WDR91: variants seen among roughly 807,000 people sequenced by gnomAD.
WDR91 encodes WD repeat-containing protein 91.
Under a neutral mutation model 88.4 loss-of-function variants are expected in WDR91, and 52 were observed. The observed-to-expected ratio is 0.59, with a 90% confidence interval of 0.47 to 0.74. The LOEUF is 0.74. Ranked by LOEUF, WDR91 falls within the 30% of genes least tolerant of loss-of-function variation. The probability of loss-of-function intolerance (pLI) is 0.00; values close to 1 mark genes in which losing one functional copy is unlikely to be tolerated. For synonymous variants in WDR91, 362 were observed against 389.5 expected, an observed-to-expected ratio of 0.93 and a Z score of 0.83; for missense variants, 824 against 954.5, an observed-to-expected ratio of 0.86 and a Z score of 1.80.
chr7:135,184,256 C>G lies in WDR91; in HGVS notation c.*1895G>C, dbSNP rs2094527346. On this transcript the variant is annotated 3_prime_UTR_variant, in exon 15 of 15. Transcript: ENST00000354475. ...ATAATCAAGCCACTTAAATACCTCC[C>G]TACTTTTCCCTCAACTCCCAGAACA... 6.6e-6 allele frequency: 1 copy of G among 152,172 alleles called. No homozygotes were observed. Among genetic ancestry groups the G allele is most frequent in the South Asian group, 2.1e-4 (1 of 4,834 alleles). The allele number at this position is 152,172 out of a possible 1,614,324, so 9.4% of individuals were successfully genotyped here.
At chr7:135,197,845 T>C in intron 7 of WDR91, 148 bp downstream of exon 7, 1 of 1,003,580 alleles carries the variant, frequency 1.0e-6, no homozygotes, top group Non-Finnish European at 1.4e-6. Context: ...TGAACCCAAA[T>C]AACCAAAATA....
In WDR91 at chr7:135,196,093, G is replaced by C; in HGVS notation, c.1244+51C>G. ...TGCTGGCCACACCTCCACGTGTACT[G>C]CCTGAAAATCTGAGCTTCCCAGGGT... is the stretch of plus-strand genomic sequence containing the variant. On this transcript the variant is annotated intron_variant, in intron 8 of 14. Transcript: ENST00000354475. This position sits in a 1 kb window ranked among gnomAD's most constrained non-coding sequence, Gnocchi z 4.2. 6.9e-7 allele frequency: 1 copy of C among 1,455,470 alleles called. No homozygotes were observed. The allele number at this position is 1,455,470 out of a possible 1,614,324, so 90.2% of individuals were successfully genotyped here. A position where few individuals can be genotyped will look rare whatever the true frequency, so the allele number is the denominator to read the frequency against.
At position 135,204,371 on chromosome 7, in the gene WDR91, G is replaced by C. The variant is rs1383609695; in HGVS notation, c.788C>G (p.Ser263Cys). 6.2e-7 allele frequency: 1 copy of C among 1,614,234 alleles called. No homozygotes were observed. Among genetic ancestry groups the C allele is most frequent in the Non-Finnish European group, 8.5e-7 (1 of 1,180,030 alleles). Residue 263 changes from serine to cysteine, a missense_variant, in exon 6 of 15, where the codon TCC (serine) becomes TGC (cysteine). Physicochemically the swap from Ser to Cys is moderately radical, Grantham distance 112. Coordinates refer to ENST00000354475, the MANE Select transcript of WDR91 (RefSeq NM_014149.4). ...LSQSPRVGFL[S>C]SLLPQSKKSP... ...CTTCTTACTCTGAGGCAGCAGCGAG[G>C]ACAGGAAGCCCACACGAGGTGACTG...
chr7:135,198,356 A>G, intron 6 of WDR91: 1 of 551,914 alleles, frequency 1.8e-6, no homozygotes, highest in Non-Finnish European at 3.2e-6. Flanking sequence ...TTAAGAGGAC[A>G]GGTCACCTGC....
Position 135,186,233 on chromosome 7 carries a change from G to A in WDR91, c.2162C>T (p.Thr721Ile). The change falls in exon 15 of 15, where the codon ACT (threonine) becomes ATT (isoleucine). Residue 721 changes from threonine (T) to isoleucine (I), a missense_variant. Physicochemically the swap from Thr to Ile is moderately conservative, Grantham distance 89. Transcript: ENST00000354475. Reference sequence around the variant, plus strand: ...GAGGCAGGTCCCACAGTCCATGGCAGTGCTCCAGTCCACGGTGACCACAGG... The same window carrying A: ...GAGGCAGGTCCCACAGTCCATGGCAATGCTCCAGTCCACGGTGACCACAGG... ...RAPVVTVDWS[T>I]AMDCGTCLTA... is the part of the protein sequence containing the mutation. 6.2e-7 allele frequency: 1 copy of A among 1,611,576 alleles called. No individual in the cohort carries two copies. The highest frequency in any genetic ancestry group is 8.5e-7 in the Non-Finnish European group (1 of 1,179,002).
chr7:135,195,806 G>T (rs1831341661), intron 8 of WDR91, among the ~76,000 whole-genome samples: 1 of 152,172 alleles, frequency 6.6e-6, no homozygotes, highest in African/African-American at 2.4e-5. Flanking sequence ...AATCAGATGG[G>T]TGTGGTGGCA....
chr7:135,186,814 C>T (rs1362714606), intron 14 of WDR91, among the ~76,000 whole-genome samples, 158 bp downstream of exon 14: 1 of 152,236 alleles, frequency 6.6e-6, no homozygotes, highest in African/African-American at 2.4e-5. Flanking sequence ...CTCCTCTGAA[C>T]CCCAGCACTA....
At chr7:135,201,794 G>GCAGTA (rs1831579890) in intron 6 of WDR91, among the ~76,000 whole-genome samples, 1 of 152,214 alleles carries the variant, frequency 6.6e-6, no homozygotes, top group Non-Finnish European at 1.5e-5. Flanking sequence ...TGAGTTTAAA[G>GCAGTA]CAGTACATTA....
chr7:135,205,048 G>T (rs1831712129), intron 5 of WDR91, among the ~76,000 whole-genome samples: 1 of 152,140 alleles, frequency 6.6e-6, no homozygotes, highest in South Asian at 2.1e-4. Flanking sequence ...GGCTGCCTGG[G>T]TTTGCATCGT....
rs570921468 is a variant in WDR91 at position 135,199,529 on chromosome 7, G to C, written c.892-1378C>G. ...TGTCAAGGCTAAGATCTGGGGAGGT[G>C]GTAGGCAGTTGTGTCGTGTCCTGTT... On this transcript the variant is annotated intron_variant, in intron 6 of 14. Transcript: ENST00000354475. 3 of 152,308 alleles carry C rather than the reference G, an allele frequency of 2.0e-5. No individual in the cohort carries two copies. The South Asian group carries it at 6.2e-4, about 32-fold the overall frequency. The allele number at this position is 152,308 out of a possible 1,614,324, so 9.4% of individuals were successfully genotyped here.
At position 135,211,424 on chromosome 7, in the gene WDR91, G is replaced by A; in HGVS notation, c.79C>T (p.Gln27Ter). The change falls in exon 1 of 15, where the codon CAG becomes TAG. Residue 27 changes from glutamine (Q) to a stop codon, truncating the protein, a stop_gained. Coordinates refer to ENST00000354475, the MANE Select transcript of WDR91 (RefSeq NM_014149.4). LOFTEE classifies it high-confidence loss of function. ...TCCGCCTTGATCTCGGCGTCCAGCT[G>A]CCGCAGTGTGTGCGTGAACCCGCGG... is the stretch of plus-strand genomic sequence containing the variant. Reference protein sequence around the residue: ...LFRGFTHTLRQLDAEIKADKE... With the variant: ...LFRGFTHTLR 6.2e-7 allele frequency: 1 copy of A among 1,612,318 alleles called. No individual in the cohort carries two copies. Among genetic ancestry groups the A allele is most frequent in the Non-Finnish European group, 8.5e-7 (1 of 1,179,312 alleles).
chr7:135,193,410 C>T lies in WDR91; in HGVS notation c.1491-11G>A. On this transcript the variant is annotated splice_polypyrimidine_tract_variant and intron_variant, in intron 10 of 14. Transcript: ENST00000354475. ...GCAAGAGACAGGATTCTGCAACACACATGGGCCTGGGTCAGACCCTCTGCC... is the reference window on the plus strand; with the variant it reads ...GCAAGAGACAGGATTCTGCAACACATATGGGCCTGGGTCAGACCCTCTGCC... 1 of 1,613,872 alleles carries T rather than the reference C, an allele frequency of 6.2e-7. No individual in the cohort carries two copies. Among genetic ancestry groups the T allele is most frequent in the Non-Finnish European group, 8.5e-7 (1 of 1,179,842 alleles).
Position 135,190,746 on chromosome 7 carries a change from G to A in WDR91, c.1660-1294C>T, listed in dbSNP as rs112973253. Among the ~76,000 whole-genome samples the A allele has an allele frequency of 1.7e-3, 260 of 152,266 alleles. 4 individuals carry two copies. Among genetic ancestry groups the A allele is most frequent in the African/African-American group, 5.7e-3 (236 of 41,558 alleles). The stretch of plus-strand genomic sequence containing the variant: ...GAAATTACCATCCTAATAAATAGAT[G>A]AAACAGAAGATTAGATATAGTAGAG... On this transcript the variant is annotated intron_variant, in intron 11 of 14. Transcript: ENST00000354475.
At position 135,195,084 on chromosome 7, in the gene WDR91, T is replaced by C; in HGVS notation, c.1245A>G (p.Arg415=). Residue 415 remains arginine (R), a splice_region_variant and synonymous_variant, in exon 9 of 15, where the codon AGA becomes AGG. Transcript: ENST00000354475. Reference sequence around the variant, plus strand: ...CGACTCTCCTCCCAGAGCAGTCCACTCTGAGATGAGAGAAAAGGGAGGCCT... The same window carrying C: ...CGACTCTCCTCCCAGAGCAGTCCACCCTGAGATGAGAGAAAAGGGAGGCCT... ...GEHHSSIMHC[R]VDCSGRRVAS... is the part of the protein sequence containing the mutation. The C allele has an allele frequency of 6.2e-7, 1 of 1,612,144 alleles. No individual in the cohort carries two copies. Among genetic ancestry groups the C allele is most frequent in the Non-Finnish European group, 8.5e-7 (1 of 1,179,336 alleles).
At chr7:135,191,373 C>T (rs1831156904) in intron 11 of WDR91, among the ~76,000 whole-genome samples, 1 of 151,922 alleles carries the variant, frequency 6.6e-6, no homozygotes, top group Non-Finnish European at 1.5e-5. Flanking sequence ...TTTGGGAAGC[C>T]CAGGTGGGTG....
In WDR91 at chr7:135,206,031, G is replaced by A. The variant is rs749404338; in HGVS notation, c.622C>T (p.Arg208Ter). 7.4e-6 allele frequency: 12 copies of A among 1,614,078 alleles called. No individual in the cohort carries two copies. The Admixed American group carries it at 1.2e-4, about 16-fold the overall frequency. The change falls in exon 5 of 15, where the codon CGA becomes TGA. Residue 208 changes from arginine (R) to a stop codon, truncating the protein, a stop_gained. Transcript: ENST00000354475. LOFTEE classifies it high-confidence loss of function. ...KLFALQAEIH[R>*]LKKEEQQPEE... is the part of the protein sequence containing the mutation. The stretch of plus-strand genomic sequence containing the variant: ...GGCTGTTGCTCCTCTTTCTTCAGTC[G>A]GTGGATTTCAGCTTGCAATGCAAAA...
intron 4 of WDR91, 151 bp from the exon 5 acceptor site, chr7:135,206,209 C>T (rs913658081): frequency 2.7e-5 from 27 of 984,520 alleles, no homozygotes; most frequent in Non-Finnish European, 4.0e-5. Flanking sequence ...TCACTGCAGA[C>T]TGGGAAAAGT....
At chr7:135,188,341 G>T in intron 13 of WDR91, 92 bp downstream of exon 13, 2 of 984,582 alleles carry the variant, frequency 2.0e-6, no homozygotes, top group Non-Finnish European at 3.2e-6. Context: ...AGAGGCCCCA[G>T]GTTGCAGAGC....
intron 6 of WDR91, chr7:135,198,408 A>C: frequency 2.2e-6 from 1 of 460,158 alleles, no homozygotes. Context: ...GGAAGATGTC[A>C]TCTTGATCTA....
Sources: allele counts gnomAD v4.1 joint callset (sites outside exome capture counted in the v4.1 genomes callset), GRCh38; gene constraint gnomAD v4.1.1; non-coding constraint Gnocchi (gnomAD v3.1); transcripts MANE v1.5; gene names NCBI Gene and HGNC (gene_info 2026-07-23, HGNC 2026-07-21).